The following HYAL2 variants were observed in gnomAD, a reference collection of about 807,000 sequenced individuals.
The protein encoded by HYAL2 is hyaluronidase-2.
In HYAL2, 30 loss-of-function variants were observed where a neutral mutation model predicts 35.4. That is an observed-to-expected ratio of 0.85 (90% confidence interval 0.63 to 1.15). The LOEUF (loss-of-function observed/expected upper bound fraction) is 1.15. Among genes scored for constraint, HYAL2 ranks in the 50% most tolerant of loss-of-function variants. HYAL2 has a pLI of 0.00. For synonymous variants in HYAL2, 262 were observed against 252.8 expected (o/e 1.04, Z -0.34); for missense variants, 635 against 646.5 (o/e 0.98, Z 0.19).
In HYAL2 at chr3:50,318,498, C is replaced by T; in HGVS notation, c.1053G>A (p.Leu351=). 6.2e-7 allele frequency: 1 copy of T among 1,610,410 alleles called. No homozygotes were observed. Among genetic ancestry groups the T allele is most frequent in the Non-Finnish European group, 8.5e-7 (1 of 1,177,886 alleles). ...QYLKDYLTRL[L]VPYVVNVSWA... ...AGGACACATTGACCACGTAGGGGAC[C>T]AGCAGCCGTGTCAGGTAATCTTTGA... Residue 351 remains leucine (L), a synonymous_variant, in exon 4 of 4, where the codon CTG becomes CTA. Coordinates refer to ENST00000357750, the MANE Select transcript of HYAL2 (RefSeq NM_003773.5). The surrounding 1 kb of genome is among the most constrained non-coding windows in gnomAD (Gnocchi z 4.5).
In HYAL2 at chr3:50,319,872, G is replaced by T; in HGVS notation, c.618C>A (p.Tyr206Ter). Residue 206 changes from tyrosine to a stop codon, truncating the protein, a stop_gained, in exon 2 of 4, where the codon TAC becomes TAA. Transcript: ENST00000357750. LOFTEE classifies it high-confidence loss of function. ...AVRPRHLWGF[Y>*]LFPDCYNHDY... ...CATGATTGTAGCAGTCAGGAAAGAG[G>T]TAGAAGCCCCAGAGGTGCCGGGGCC... 2 of 1,613,690 alleles carry T rather than the reference G, an allele frequency of 1.2e-6. No homozygotes were observed. Among genetic ancestry groups the T allele is most frequent in the Non-Finnish European group, 1.7e-6 (2 of 1,180,040 alleles).
At position 50,318,659 on chromosome 3, in the gene HYAL2, T is replaced by G; in HGVS notation, c.1012-120A>C. ...TATTTTAACTGCACACATTCATACATTCAATCTGCACCTGAGCCACACAGT... is the reference window on the plus strand; with the variant it reads ...TATTTTAACTGCACACATTCATACAGTCAATCTGCACCTGAGCCACACAGT... On this transcript the variant is annotated intron_variant, in intron 3 of 3. Transcript: ENST00000357750. The surrounding 1 kb of genome is among the most constrained non-coding windows in gnomAD (Gnocchi z 4.5). 7 of 969,784 alleles carry G rather than the reference T, an allele frequency of 7.2e-6. No homozygotes were observed. The highest frequency in any genetic ancestry group is 1.1e-5 in the Non-Finnish European group (7 of 656,568). 60.1% of individuals were successfully genotyped at this position (969,784 alleles called of 1,614,324 possible).
Position 50,320,670 on chromosome 3 carries a change from A to C in HYAL2, c.-46-135T>G, listed in dbSNP as rs957945781. 6.7e-6 allele frequency: 4 copies of C among 596,832 alleles called. No homozygotes were observed. In the South Asian group the frequency reaches 7.4e-5, roughly 11 times the overall value. 37.0% of individuals were successfully genotyped at this position (596,832 alleles called of 1,614,324 possible). ...GGCTGTAATAGGTTTGAGAGACCAC[A>C]GGCCACTGCAGGGCAGACAAGGCAC... On this transcript the variant is annotated intron_variant, in intron 1 of 3. Transcript: ENST00000357750. This position sits in a 1 kb window ranked among gnomAD's most constrained non-coding sequence, Gnocchi z 4.8.
At position 50,319,890 on chromosome 3, in the gene HYAL2, C is replaced by T; in HGVS notation, c.600G>A (p.Arg200=). 6.2e-7 allele frequency: 1 copy of T among 1,613,698 alleles called. No homozygotes were observed. Among genetic ancestry groups the T allele is most frequent in the Non-Finnish European group, 8.5e-7 (1 of 1,180,034 alleles). Residue 200 remains arginine, a synonymous_variant, in exon 2 of 4, where the codon CGG becomes CGA. Transcript: ENST00000357750. The part of the protein sequence containing the change: ...TLRYVKAVRP[R]HLWGFYLFPD... ...GAAAGAGGTAGAAGCCCCAGAGGTGCCGGGGCCGCACTGCCTTGACATAAC... is the reference window on the plus strand; with the variant it reads ...GAAAGAGGTAGAAGCCCCAGAGGTGTCGGGGCCGCACTGCCTTGACATAAC...
At chr3:50,319,141 G>T in intron 2 of HYAL2, 96 bp from the exon 3 acceptor site, 1 of 805,040 alleles carries the variant, frequency 1.2e-6, no homozygotes, top group Non-Finnish European at 1.9e-6. Context: ...TCAACCTGCT[G>T]AACTCCCAGC....
chr3:50,321,914 T>C (rs957717789), intron 1 of HYAL2: 1 of 152,034 alleles, frequency 6.6e-6, no homozygotes, highest in Non-Finnish European at 1.5e-5. Flanking sequence ...GATCTGGCTC[T>C]GCACCCCCTA....
chr3:50,318,579 G>C lies in HYAL2; in HGVS notation c.1012-40C>G. On this transcript the variant is annotated intron_variant, in intron 3 of 3. Transcript: ENST00000357750. The surrounding 1 kb of genome is among the most constrained non-coding windows in gnomAD (Gnocchi z 4.5). The stretch of plus-strand genomic sequence containing the variant: ...CAAGGACCACAGGTCAGGGTCAGCT[G>C]CCTCAGCCCACAGGCCCAGATGGAA... 6.5e-7 allele frequency: 1 copy of C among 1,550,310 alleles called. No homozygotes were observed. The highest frequency in any genetic ancestry group is 8.7e-7 in the Non-Finnish European group (1 of 1,142,948).
chr3:50,318,415 C>T lies in HYAL2; in HGVS notation c.1136G>A (p.Arg379His), dbSNP rs782592326. ...QCHGHGRCVR[R>H]NPSASTFLHL... ...CAGGAAGGTACTGGCACTGGGGTTGCGGCGCACACAGCGCCCATGGCCATG... is the reference window on the plus strand; with the variant it reads ...CAGGAAGGTACTGGCACTGGGGTTGTGGCGCACACAGCGCCCATGGCCATG... The change falls in exon 4 of 4, where the codon CGC becomes CAC. Residue 379 changes from arginine (R) to histidine (H), a missense_variant. By Grantham distance (29) the Arg-to-His change is conservative (BLOSUM62 0). Transcript: ENST00000357750. The surrounding 1 kb of genome is among the most constrained non-coding windows in gnomAD (Gnocchi z 4.5). 1.7e-5 allele frequency: 27 copies of T among 1,613,268 alleles called. No individual in the cohort carries two copies. Among genetic ancestry groups the T allele is most frequent in the East Asian group, 6.7e-5 (3 of 44,894 alleles).
rs199714610 is a variant in HYAL2 at position 50,318,942 on chromosome 3, T to G, written c.1011+14A>C. 108 of 1,610,870 alleles carry G rather than the reference T, an allele frequency of 6.7e-5. No homozygotes were observed. The African/African-American group carries it at 1.3e-3, about 20-fold the overall frequency. ...TCCCATAGACTGAGCTCTGGCAGGC[T>G]GGGTCTCGCTTACCGTGCTTGTGGT... On this transcript the variant is annotated intron_variant, in intron 3 of 3. Coordinates refer to ENST00000357750, the MANE Select transcript of HYAL2 (RefSeq NM_003773.5). This position sits in a 1 kb window ranked among gnomAD's most constrained non-coding sequence, Gnocchi z 4.5.
Position 50,318,958 on chromosome 3 carries a change from T to C in HYAL2, c.1009A>G (p.Thr337Ala). The change falls in exon 3 of 4, where the codon ACG (threonine) becomes GCG (alanine). Residue 337 changes from threonine to alanine, a missense_variant and splice_region_variant. Transcript: ENST00000357750. The surrounding 1 kb of genome is among the most constrained non-coding windows in gnomAD (Gnocchi z 4.5). ...CTGGCAGGCTGGGTCTCGCTTACCG[T>C]GCTTGTGGTGTACCCCGCGTCACCC... ...LWGDAGYTTS[T>A]ETCQYLKDYL... 6.2e-7 allele frequency: 1 copy of C among 1,613,406 alleles called. No individual in the cohort carries two copies. Among genetic ancestry groups the C allele is most frequent in the Non-Finnish European group, 8.5e-7 (1 of 1,179,572 alleles).
chr3:50,321,120 G>C (rs1199167395), intron 1 of HYAL2: 1 of 152,258 alleles, frequency 6.6e-6, no homozygotes, highest in Non-Finnish European at 1.5e-5. Flanking sequence ...CGGCGGCGCC[G>C]GCCGCCCGGC....
Sources: gnomAD v4.1 joint callset for allele counts on GRCh38, gnomAD v4.1.1 for gene constraint, Gnocchi (gnomAD v3.1) non-coding constraint, MANE v1.5 for transcripts, NCBI Gene and HGNC (gene_info 2026-07-23, HGNC 2026-07-21) for gene names.